SLC8A1: variants seen among roughly 807,000 people sequenced by gnomAD.
The protein encoded by SLC8A1 is solute carrier family 8 member A1.
A neutral mutation model predicts 68.3 loss-of-function variants in SLC8A1; 18 were observed. The ratio of observed to expected loss-of-function variants is 0.26; its 90% CI spans 0.18 to 0.39. The LOEUF is 0.39. SLC8A1 is among the 10% of genes least tolerant of loss of function. The pLI is 1.00. For missense variants in SLC8A1, 985 were observed against 1,156.7 expected (o/e 0.85, Z 2.15); for synonymous variants, 475 against 415.5 (o/e 1.14, Z -1.74).
intron 2 of SLC8A1, among the ~76,000 whole-genome samples, chr2:40,266,093 TGAG>T (rs1252187663): frequency 3.3e-5 from 5 of 152,206 alleles, no homozygotes; most frequent in Non-Finnish European, 7.3e-5. Flanking sequence ...CCCAGAAGAC[TGAG>T]TTTAAAAATT....
intron 2 of SLC8A1, among the ~76,000 whole-genome samples, chr2:40,232,176 C>T (rs17025628): frequency 0.12 from 17,752 of 151,960 alleles, 1,118 homozygotes; most frequent in Non-Finnish European, 0.13. Flanking sequence ...AAACGGAAAA[C>T]CTTAGGAGAC....
intron 2 of SLC8A1, among the ~76,000 whole-genome samples, chr2:40,191,731 T>G (rs1274022740): frequency 1.3e-5 from 2 of 152,194 alleles, no homozygotes; most frequent in Non-Finnish European, 2.9e-5. Flanking sequence ...GCCCATTGAT[T>G]GTAGACGAAA....
chr2:40,397,562 T>C (rs1374189003), intron 2 of SLC8A1, among the ~76,000 whole-genome samples: 4 of 152,212 alleles, frequency 2.6e-5, no homozygotes, highest in Non-Finnish European at 5.9e-5. Flanking sequence ...TTATCATTAC[T>C]ATGTATCCAC....
chr2:40,311,699 T>G (rs971990427), intron 2 of SLC8A1, among the ~76,000 whole-genome samples: 9 of 152,160 alleles, frequency 5.9e-5, no homozygotes, highest in African/African-American at 2.2e-4. Context: ...AATTTTTTGT[T>G]GTTTTGTTCT....
chr2:40,312,551 T>C (rs778034301), intron 2 of SLC8A1, among the ~76,000 whole-genome samples: 1 of 152,104 alleles, frequency 6.6e-6, no homozygotes, highest in Non-Finnish European at 1.5e-5. Flanking sequence ...TAAATATAAA[T>C]AAAATATACA....
At chr2:40,371,961 A>C (rs937646656) in intron 2 of SLC8A1, among the ~76,000 whole-genome samples, 1 of 152,132 alleles carries the variant, frequency 6.6e-6, no homozygotes, top group African/African-American at 2.4e-5. Flanking sequence ...CTGGGATGTA[A>C]CATCCTACCC....
At chr2:40,370,962 C>A (rs1276800387) in intron 2 of SLC8A1, among the ~76,000 whole-genome samples, 1 of 151,948 alleles carries the variant, frequency 6.6e-6, no homozygotes, top group Non-Finnish European at 1.5e-5. Context: ...TTGAAGGTAC[C>A]CCTAGACATT....
intron 1 of SLC8A1, among the ~76,000 whole-genome samples, chr2:40,501,776 C>G (rs1337096376): frequency 2.0e-5 from 3 of 152,054 alleles, no homozygotes; most frequent in African/African-American, 4.8e-5. Flanking sequence ...TCCAAGGCCT[C>G]ATCTCATTTG....
chr2:40,144,136 G>A lies in SLC8A1; in HGVS notation c.2162-4460C>T, dbSNP rs945541016. ...AAGGCAGTATATCAATACAATGTGA[G>A]TATCCTGATTTCACTGAGTATATAT... On this transcript the variant is annotated intron_variant, in intron 6 of 7. Coordinates refer to ENST00000406785, the Ensembl canonical transcript of SLC8A1. 1.4e-4 allele frequency among the ~76,000 whole-genome samples: 22 copies of A among 152,148 alleles called. No individual in the cohort carries two copies. In the South Asian group the frequency reaches 1.7e-3, roughly 11 times the overall value.
rs78475165 is a variant in SLC8A1 at position 40,121,455 on chromosome 2, T to C, written c.2438-5826A>G. 8.0e-3 allele frequency among the ~76,000 whole-genome samples: 1,217 copies of C among 152,258 alleles called. 10 individuals are homozygous for C. Among genetic ancestry groups the C allele is most frequent in the African/African-American group, 0.027 (1,136 of 41,544 alleles). ...TATAGTGGTTATTTTGCTGATAAAA[T>C]GTGGGTAGGCGTCACGGAGATGCTG... On this transcript the variant is annotated intron_variant, in intron 7 of 7. Transcript: ENST00000406785.
rs528799967 is a variant in SLC8A1 at position 40,451,587 on chromosome 2, G to A, written c.-25+317C>T. 2.6e-5 allele frequency among the ~76,000 whole-genome samples: 4 copies of A among 152,252 alleles called. No homozygotes were observed. The East Asian group carries it at 7.8e-4, about 30-fold the overall frequency. ...CTCAGAGCCCAGCGCGGTGCAGGGT[G>A]CAGCATCTCTCCTTAGCAGCCCTTT... On this transcript the variant is annotated intron_variant, in intron 1 of 7. Coordinates refer to ENST00000406785, the Ensembl canonical transcript of SLC8A1.
chr2:40,424,062 A>G (rs1376718160), intron 2 of SLC8A1, among the ~76,000 whole-genome samples: 1 of 151,982 alleles, frequency 6.6e-6, no homozygotes, highest in Non-Finnish European at 1.5e-5. Context: ...CGTATGCTTT[A>G]AAGGTAGCAG....
chr2:40,454,447 A>G (rs1457987387), upstream of SLC8A1, among the ~76,000 whole-genome samples: 1 of 144,836 alleles, frequency 6.9e-6, no homozygotes. Flanking sequence ...TTAAATGTTT[A>G]TACTCCAGTG....
exon 8 of SLC8A1, chr2:40,101,954 C>G (rs1360848997): frequency 6.6e-6 from 1 of 152,092 alleles, no homozygotes; most frequent in African/African-American, 2.4e-5. Context: ...AAACTTGAGA[C>G]TCACAAAAGC....
intron 4 of SLC8A1, 85 bp downstream of exon 7, chr2:40,170,196 G>C: frequency 8.5e-7 from 1 of 1,171,292 alleles, no homozygotes; most frequent in East Asian, 2.4e-5. Flanking sequence ...CAGAGGAGAG[G>C]GGCTAAAATG....
chr2:40,178,458 T>G lies in SLC8A1; in HGVS notation c.1809-603A>C. 1.9e-6 allele frequency: 3 copies of G among 1,613,648 alleles called. No homozygotes were observed. The South Asian group carries it at 3.3e-5, about 18-fold the overall frequency. On this transcript the variant is annotated intron_variant, in intron 2 of 7. Transcript: ENST00000406785. Reference sequence around the variant, plus strand: ...GAAGAAGGTCTTGTTTTTCTCATACTCCTCATCATCAATTACCTTGACTGA... The same window carrying G: ...GAAGAAGGTCTTGTTTTTCTCATACGCCTCATCATCAATTACCTTGACTGA...
chr2:40,455,704 A>T (rs887622732), upstream of SLC8A1, among the ~76,000 whole-genome samples: 1 of 152,126 alleles, frequency 6.6e-6, no homozygotes, highest in Non-Finnish European at 1.5e-5. Context: ...TGCTTTGGGG[A>T]TGACTTTGAG....
chr2:40,245,349 G>T (rs910440470), intron 2 of SLC8A1, among the ~76,000 whole-genome samples: 1 of 133,608 alleles, frequency 7.5e-6, no homozygotes, highest in African/African-American at 3.0e-5. Context: ...CTGATTGTCC[G>T]TTAAATACAT....
intron 2 of SLC8A1, among the ~76,000 whole-genome samples, chr2:40,301,747 A>G (rs1021033424): frequency 3.9e-5 from 6 of 152,068 alleles, no homozygotes; most frequent in Non-Finnish European, 7.4e-5. Context: ...TCTTTTTTAA[A>G]TTTTTCATTT....
Sources: allele counts gnomAD v4.1 joint callset (sites outside exome capture counted in the v4.1 genomes callset), GRCh38; gene constraint gnomAD v4.1.1; transcripts MANE v1.5; gene names NCBI Gene and HGNC (gene_info 2026-07-23, HGNC 2026-07-21).